The following ARMC8 variants were observed in gnomAD, a reference collection of about 807,000 sequenced individuals.
ARMC8 encodes armadillo repeat containing 8, also known as armadillo repeat-containing protein 8.
ARMC8 carries 20 observed loss-of-function variants against 99.3 expected under a neutral mutation model. The ratio of observed to expected loss-of-function variants is 0.20; its 90% confidence interval spans 0.14 to 0.29. ARMC8 has a LOEUF of 0.29. Ranked by LOEUF, ARMC8 falls within the 10% of genes least tolerant of loss-of-function variation. ARMC8 has a pLI of 1.00. For synonymous variants in ARMC8, 263 were observed against 278.3 expected (o/e 0.95, Z 0.55); for missense variants, 569 against 809.5 (o/e 0.70, Z 3.60).
At chr3:138,271,798 C>CTTTCTTTTTTTTTTTTTTTTTT (rs1018824241) in intron 16 of ARMC8, among the ~76,000 whole-genome samples, 4 of 136,132 alleles carry the variant, frequency 2.9e-5, no homozygotes, top group African/African-American at 1.1e-4. Context: ...TTTTTTCTTT[C>CTTTCTTTTTTTTTTTTTTTTTT]TTTTTTTTTT....
intron 12 of ARMC8, among the ~76,000 whole-genome samples, chr3:138,252,090 T>A (rs2047145399): frequency 6.6e-6 from 1 of 152,234 alleles, no homozygotes; most frequent in Non-Finnish European, 1.5e-5. Flanking sequence ...CTCTTTCCTA[T>A]GAATAAAGTG....
intron 12 of ARMC8, among the ~76,000 whole-genome samples, chr3:138,256,705 C>G (rs1307240220): frequency 6.6e-6 from 1 of 152,200 alleles, no homozygotes; most frequent in East Asian, 1.9e-4. Flanking sequence ...CCACCGCGCC[C>G]GGCCTTTTTT....
chr3:138,259,580 G>A (rs2047567795), intron 12 of ARMC8, among the ~76,000 whole-genome samples: 1 of 152,140 alleles, frequency 6.6e-6, no homozygotes, highest in Non-Finnish European at 1.5e-5. Context: ...AACCCTAGCA[G>A]GGTTACTGAA....
At chr3:138,199,448 A>C (rs1245030016) in intron 1 of ARMC8, among the ~76,000 whole-genome samples, 1 of 152,192 alleles carries the variant, frequency 6.6e-6, no homozygotes, top group African/African-American at 2.4e-5. Flanking sequence ...GTCTCCAAGT[A>C]AAAGGTCTGT....
chr3:138,222,142 A>G, intron 3 of ARMC8, 145 bp downstream of exon 3: 1 of 641,462 alleles, frequency 1.6e-6, no homozygotes, highest in Non-Finnish European at 2.6e-6. Flanking sequence ...GTAAGTATTT[A>G]AACTATCTTT....
intron 2 of ARMC8, among the ~76,000 whole-genome samples, chr3:138,219,756 T>C (rs2045289444): frequency 6.6e-6 from 1 of 152,218 alleles, no homozygotes; most frequent in African/African-American, 2.4e-5. Context: ...CATTGTTCCA[T>C]TGTATTGTGT....
intron 12 of ARMC8, among the ~76,000 whole-genome samples, chr3:138,255,682 T>C (rs765563547): frequency 1.8e-4 from 27 of 152,258 alleles, no homozygotes; most frequent in South Asian, 4.2e-4. Flanking sequence ...CTTTTTCTCA[T>C]TTAGAAAAAA....
intron 2 of ARMC8, 48 bp from the exon 3 acceptor site, chr3:138,221,878 C>T: frequency 7.1e-7 from 1 of 1,410,286 alleles, no homozygotes; most frequent in Non-Finnish European, 1.0e-6. Flanking sequence ...TTTGATTTTT[C>T]TTCAGTGCTG....
intron 5 of ARMC8, among the ~76,000 whole-genome samples, chr3:138,226,924 G>A (rs897437597): frequency 3.3e-5 from 5 of 152,122 alleles, no homozygotes; most frequent in African/African-American, 4.8e-5. Context: ...TTATGCCTCC[G>A]ATATTTTATG....
intron 18 of ARMC8, 62 bp downstream of exon 18, chr3:138,274,606 G>C: frequency 8.1e-7 from 1 of 1,233,052 alleles, no homozygotes; most frequent in Non-Finnish European, 1.2e-6. Flanking sequence ...AAGTTCTTAA[G>C]AGTCTCCTGA....
At chr3:138,262,364 TA>T in intron 12 of ARMC8, 1 of 732,326 alleles carries the variant, frequency 1.4e-6, no homozygotes, top group Non-Finnish European at 2.2e-6. Flanking sequence ...AAACACCAGA[TA>T]AAAATTACCA....
At chr3:138,196,098 C>T (rs1264592763) in intron 1 of ARMC8, among the ~76,000 whole-genome samples, 1 of 152,008 alleles carries the variant, frequency 6.6e-6, no homozygotes, top group Non-Finnish European at 1.5e-5. Flanking sequence ...GCTTCTTTTG[C>T]CTTAGGGGTG....
intron 12 of ARMC8, chr3:138,246,431 G>A (rs1410674937): frequency 1.8e-5 from 18 of 985,262 alleles, no homozygotes; most frequent in Non-Finnish European, 2.0e-5. Flanking sequence ...GGATGTTGAC[G>A]CCAATGTTCA....
chr3:138,252,229 A>G (rs2047150726), intron 12 of ARMC8, among the ~76,000 whole-genome samples: 1 of 152,138 alleles, frequency 6.6e-6, no homozygotes, highest in South Asian at 2.1e-4. Flanking sequence ...ATATTTTCTG[A>G]CATATGAAAA....
chr3:138,212,074 T>C (rs1457622526), intron 2 of ARMC8, among the ~76,000 whole-genome samples: 1 of 152,156 alleles, frequency 6.6e-6, no homozygotes, highest in Non-Finnish European at 1.5e-5. Flanking sequence ...TACTAAAATC[T>C]GTTTATAGTT....
At chr3:138,227,835 G>C (rs1220786334) in intron 5 of ARMC8, among the ~76,000 whole-genome samples, 3 of 152,174 alleles carry the variant, frequency 2.0e-5, no homozygotes, top group African/African-American at 4.8e-5. Flanking sequence ...CATCTCCTGG[G>C]AATTTGCATG....
intron 9 of ARMC8, 48 bp downstream of exon 9, chr3:138,237,620 C>A: frequency 6.7e-7 from 1 of 1,495,432 alleles, no homozygotes; most frequent in Non-Finnish European, 9.1e-7. Context: ...TTATCAATAT[C>A]TTAGAGTATT....
In ARMC8 at chr3:138,296,849, A is replaced by G. The variant is rs1002147640; in HGVS notation, c.*957A>G. 27 of 152,194 alleles carry G rather than the reference A, an allele frequency of 1.8e-4. No individual in the cohort carries two copies. Among genetic ancestry groups the G allele is most frequent in the African/African-American group, 6.0e-4 (25 of 41,446 alleles). 9.4% of individuals were successfully genotyped at this position (152,194 alleles called of 1,614,324 possible). On this transcript the variant is annotated 3_prime_UTR_variant, in exon 22 of 22. Transcript: ENST00000469044. Reference sequence around the variant, plus strand: ...GGAACTGGGGACCAAGAGCCTCCCAATTGCCCTAACTCCTGTCATTGGTAT... The same window carrying G: ...GGAACTGGGGACCAAGAGCCTCCCAGTTGCCCTAACTCCTGTCATTGGTAT...
chr3:138,284,335 A>G lies in ARMC8; in HGVS notation c.1726-96A>G, dbSNP rs544865406. The G allele has an allele frequency of 3.3e-4, 279 of 848,036 alleles. 2 individuals carry two copies. Among genetic ancestry groups the G allele is most frequent in the South Asian group, 2.0e-3 (136 of 68,698 alleles). The allele number at this position is 848,036 out of a possible 1,614,324, so 52.5% of individuals were successfully genotyped here. The stretch of plus-strand genomic sequence containing the variant: ...TTGAGAGTGGAACCTGTGAGAATCC[A>G]TGTACCTTCAAGTGAAAAATTGCCC... On this transcript the variant is annotated intron_variant, in intron 18 of 21. Coordinates refer to ENST00000469044, the MANE Select transcript of ARMC8 (RefSeq NM_001363941.2).
Sources: allele counts gnomAD v4.1 joint callset (sites outside exome capture counted in the v4.1 genomes callset), GRCh38; gene constraint gnomAD v4.1.1; transcripts MANE v1.5; gene names NCBI Gene and HGNC (gene_info 2026-07-23, HGNC 2026-07-21).